Variants in TAF4B observed in about 807,000 individuals in gnomAD.
TAF4B encodes transcription initiation factor TFIID subunit 4B.
Under a neutral mutation model 86.4 loss-of-function variants are expected in TAF4B, and 38 were observed. The ratio of observed to expected loss-of-function variants is 0.44; its 90% CI spans 0.34 to 0.58. The LOEUF (loss-of-function observed/expected upper bound fraction) is 0.58. Ranked by LOEUF, TAF4B falls within the 20% of genes least tolerant of loss-of-function variation. TAF4B has a pLI of 0.02. For synonymous variants in TAF4B, 388 were observed against 391.2 expected (o/e 0.99, Z 0.10); for missense variants, 988 against 1,027.6 (o/e 0.96, Z 0.53).
At chr18:26,245,450 C>T (rs890770671) in intron 1 of TAF4B, among the ~76,000 whole-genome samples, 25 of 152,248 alleles carry the variant, frequency 1.6e-4, no homozygotes, top group African/African-American at 5.8e-4. Flanking sequence ...AAGTGGGTTG[C>T]TGCTGCTGGC....
At chr18:26,242,987 C>G (rs2055863638) in intron 1 of TAF4B, among the ~76,000 whole-genome samples, 2 of 152,156 alleles carry the variant, frequency 1.3e-5, no homozygotes, top group Non-Finnish European at 2.9e-5. Flanking sequence ...TTGTAGGTAA[C>G]CTGACCTTTC....
At chr18:26,235,716 G>T (rs1459843254) in intron 1 of TAF4B, among the ~76,000 whole-genome samples, 1 of 152,202 alleles carries the variant, frequency 6.6e-6, no homozygotes, top group Non-Finnish European at 1.5e-5. Context: ...GAGTCAGAGT[G>T]CAGGGGAGTG....
At chr18:26,346,821 GTGTATATATATATA>G (rs2057193154) in intron 13 of TAF4B, among the ~76,000 whole-genome samples, 2 of 22,534 alleles carry the variant, frequency 8.9e-5, no homozygotes, top group Non-Finnish European at 1.2e-4. Context: ...ATATATGTGT[GTGTATATATATATA>G]TGTGTGTGTG....
intron 14 of TAF4B, among the ~76,000 whole-genome samples, chr18:26,369,389 C>G (rs2057392166): frequency 6.6e-6 from 1 of 152,208 alleles, no homozygotes; most frequent in South Asian, 2.1e-4. Flanking sequence ...AGACTCAGGA[C>G]TGCTCCAAGA....
chr18:26,353,346 AC>A (rs2057260096), intron 13 of TAF4B, among the ~76,000 whole-genome samples: 1 of 152,248 alleles, frequency 6.6e-6, no homozygotes. Flanking sequence ...TCTAAGAAAC[AC>A]CATGTGATCC....
intron 6 of TAF4B, among the ~76,000 whole-genome samples, 196 bp from the exon 7 acceptor site, chr18:26,285,686 A>G (rs1308488004): frequency 6.6e-6 from 1 of 152,244 alleles, no homozygotes; most frequent in Non-Finnish European, 1.5e-5. Flanking sequence ...CATATTGGAA[A>G]ACAGGCACTT....
chr18:26,295,522 A>G (rs997681837), intron 9 of TAF4B, among the ~76,000 whole-genome samples: 4 of 152,190 alleles, frequency 2.6e-5, no homozygotes, highest in African/African-American at 9.7e-5. Context: ...ATGAGACTCT[A>G]ATGCTACCAC....
At chr18:26,318,499 C>G (rs2056933246) in intron 10 of TAF4B, among the ~76,000 whole-genome samples, 2 of 151,936 alleles carry the variant, frequency 1.3e-5, no homozygotes, top group Non-Finnish European at 2.9e-5. Context: ...CAAATTTACC[C>G]AAAGATTTTC....
At chr18:26,388,842 G>T (rs1194494007) in intron 14 of TAF4B, among the ~76,000 whole-genome samples, 3 of 152,098 alleles carry the variant, frequency 2.0e-5, no homozygotes, top group Admixed American at 6.5e-5. Context: ...TTGAGACAGA[G>T]TCTTGCTCTG....
At chr18:26,288,471 C>T (rs938548954) in intron 7 of TAF4B, among the ~76,000 whole-genome samples, 1 of 152,006 alleles carries the variant, frequency 6.6e-6, no homozygotes, top group Admixed American at 6.6e-5. Context: ...CCCGTCTCTA[C>T]TAAAAATACA....
Position 26,265,240 on chromosome 18 carries a change from C to T in TAF4B, c.414C>T (p.Ala138=), listed in dbSNP as rs551989732. The T allele has an allele frequency of 1.2e-4, 198 of 1,613,920 alleles. 5 individuals are homozygous for T. In the South Asian group the frequency reaches 1.4e-3, roughly 12 times the overall value. The change falls in exon 2 of 15, where the codon GCC becomes GCT. Residue 138 remains alanine, a synonymous_variant. Transcript: ENST00000269142. ...LVSPQQTVTR[A]ETTSNITSRP... ...CTCCTCAGCAAACTGTAACAAGAGC[C>T]GAGACCACAAGTAACATAACCTCAA...
At chr18:26,307,121 A>G (rs2056803301) in intron 9 of TAF4B, among the ~76,000 whole-genome samples, 1 of 152,198 alleles carries the variant, frequency 6.6e-6, no homozygotes, top group Admixed American at 6.6e-5. Flanking sequence ...GAAACTGATA[A>G]TAGACCCTCG....
At chr18:26,241,258 C>A (rs924726389) in intron 1 of TAF4B, among the ~76,000 whole-genome samples, 3 of 152,180 alleles carry the variant, frequency 2.0e-5, no homozygotes, top group African/African-American at 7.2e-5. Context: ...GCCTCAATTT[C>A]AGAGCCTGTT....
At chr18:26,281,758 A>G (rs1000038124) in intron 5 of TAF4B, among the ~76,000 whole-genome samples, 2 of 152,184 alleles carry the variant, frequency 1.3e-5, no homozygotes, top group African/African-American at 4.8e-5. Context: ...CTTTAAAACA[A>G]AAAAAATCAC....
Position 26,227,289 on chromosome 18 carries a change from C to A in TAF4B, c.343+13C>A. ...CAGCTTCCTCCAGGTATGTTGATAA[C>A]CCTTTCCAGCCTTGTCTGTCGGTCC... On this transcript the variant is annotated intron_variant, in intron 1 of 14. Coordinates refer to ENST00000269142, the MANE Select transcript of TAF4B (RefSeq NM_005640.3). The A allele has an allele frequency of 6.2e-7, 1 of 1,605,150 alleles. No individual in the cohort carries two copies. The highest frequency in any genetic ancestry group is 1.3e-5 in the African/African-American group (1 of 74,184).
chr18:26,293,751 G>A (rs948245934), intron 9 of TAF4B, among the ~76,000 whole-genome samples: 32 of 152,164 alleles, frequency 2.1e-4, no homozygotes, highest in African/African-American at 7.2e-4. Context: ...TCATCATGCC[G>A]ATCAAGATAC....
chr18:26,288,259 T>C (rs2056549610), intron 7 of TAF4B, among the ~76,000 whole-genome samples: 2 of 152,222 alleles, frequency 1.3e-5, no homozygotes, highest in Non-Finnish European at 2.9e-5. Flanking sequence ...TGTCATTATA[T>C]GCTATGGATT....
chr18:26,320,920 G>T, intron 10 of TAF4B, 150 bp from the exon 11 acceptor site: 1 of 875,450 alleles, frequency 1.1e-6, no homozygotes, highest in East Asian at 2.6e-5. Context: ...TAAGATCTTT[G>T]AAGTTGTGAC....
chr18:26,329,469 C>T (rs1048095385), intron 12 of TAF4B, among the ~76,000 whole-genome samples: 2 of 152,238 alleles, frequency 1.3e-5, no homozygotes, highest in African/African-American at 4.8e-5. Context: ...ATTCTGATTT[C>T]ACTAGATGGC....
Sources: gnomAD v4.1 joint callset for allele counts (sites outside exome capture counted in the v4.1 genomes callset) on GRCh38, gnomAD v4.1.1 for gene constraint, MANE v1.5 for transcripts, NCBI Gene and HGNC (gene_info 2026-07-23, HGNC 2026-07-21) for gene names.